The following CDKAL1 variants were observed in gnomAD, a reference collection of about 807,000 sequenced individuals.
CDKAL1 encodes the protein threonylcarbamoyladenosine tRNA methylthiotransferase.
CDKAL1 carries 32 observed loss-of-function variants against 68.2 expected under a neutral mutation model. The observed-to-expected ratio is 0.47, with a 90% CI of 0.35 to 0.63. CDKAL1 has a LOEUF of 0.63. CDKAL1 is among the 30% of genes least tolerant of loss of function. CDKAL1 has a pLI of 0.00. For synonymous variants in CDKAL1, 234 were observed against 244.3 expected, an observed-to-expected ratio of 0.96 and a Z score of 0.39; for missense variants, 606 against 696.7, an observed-to-expected ratio of 0.87 and a Z score of 1.47.
intron 13 of CDKAL1, among the ~76,000 whole-genome samples, chr6:21,175,036 G>A (rs1392250068): frequency 1.3e-5 from 2 of 152,168 alleles, no homozygotes; most frequent in Non-Finnish European, 2.9e-5. Context: ...TTTAAGTGGA[G>A]GCACGACATG....
At chr6:20,647,643 AGATT>A (rs1329879726) in intron 4 of CDKAL1, among the ~76,000 whole-genome samples, 1 of 152,240 alleles carries the variant, frequency 6.6e-6, no homozygotes, top group African/African-American at 2.4e-5. Flanking sequence ...TACTAGGATC[AGATT>A]GATAGTAGAG....
intron 4 of CDKAL1, among the ~76,000 whole-genome samples, chr6:20,598,231 A>G (rs888887631): frequency 2.5e-4 from 38 of 152,198 alleles, no homozygotes; most frequent in African/African-American, 8.4e-4. Flanking sequence ...ATTTCCTTAC[A>G]TTCTTATATT....
At chr6:21,195,593 C>T (rs571643709) in intron 13 of CDKAL1, among the ~76,000 whole-genome samples, 3 of 151,828 alleles carry the variant, frequency 2.0e-5, no homozygotes, top group Admixed American at 2.0e-4. Context: ...TCACTGCACC[C>T]TCAATCTGCC....
At chr6:21,125,366 G>GT (rs1194072403) in intron 13 of CDKAL1, among the ~76,000 whole-genome samples, 1 of 152,176 alleles carries the variant, frequency 6.6e-6, no homozygotes. Context: ...ATAAGGAACT[G>GT]TGAGTCAATT....
intron 5 of CDKAL1, among the ~76,000 whole-genome samples, chr6:20,720,389 T>C (rs1772291206): frequency 6.6e-6 from 1 of 152,194 alleles, no homozygotes; most frequent in Non-Finnish European, 1.5e-5. Context: ...CAGCACATGT[T>C]TGTTAACTGT....
At chr6:20,551,792 T>A (rs1763842571) in intron 4 of CDKAL1, among the ~76,000 whole-genome samples, 2 of 152,208 alleles carry the variant, frequency 1.3e-5, no homozygotes, top group Admixed American at 6.5e-5. Flanking sequence ...GAATTACTTC[T>A]CTATATTCAT....
At chr6:20,780,675 T>TC (rs200033538) in intron 7 of CDKAL1, among the ~76,000 whole-genome samples, 325 of 41,110 alleles carry the variant, frequency 7.9e-3, no homozygotes, top group African/African-American at 0.022. Flanking sequence ...TTTTTCTTTT[T>TC]TTTTTTTTTT....
At position 20,750,951 on chromosome 6, in the gene CDKAL1, GAAAAAAAAAAAAAAAA is replaced by G. The variant is rs59244637; in HGVS notation, c.469-7625_469-7610del. 5.7e-4 allele frequency among the ~76,000 whole-genome samples: 27 copies of G among 47,080 alleles called. 1 individual carries two copies. Among genetic ancestry groups the G allele is most frequent in the South Asian group, 1.6e-3 (1 of 608 alleles). 30.9% of individuals were successfully genotyped at this position (47,080 alleles called of 152,430 possible). A position where few individuals can be genotyped will look rare whatever the true frequency, so the allele number is the denominator to read the frequency against. ...TGCACTCCAGGCTGAGCAACAGAGT[GAAAAAAAAAAAAAAAA>G]AAAAAAAAAAAAAAAAAAGAAGTAA... On this transcript the variant is annotated intron_variant, in intron 6 of 15. Transcript: ENST00000274695.
chr6:20,973,395 G>C (rs574938444), intron 10 of CDKAL1, among the ~76,000 whole-genome samples: 1 of 152,200 alleles, frequency 6.6e-6, no homozygotes, highest in South Asian at 2.1e-4. Flanking sequence ...AGTACCTGTG[G>C]GGAAGGAGAA....
At chr6:20,779,929 G>A (rs1393384729) in intron 7 of CDKAL1, among the ~76,000 whole-genome samples, 1 of 151,744 alleles carries the variant, frequency 6.6e-6, no homozygotes, top group African/African-American at 2.4e-5. Flanking sequence ...ATAGGCTATG[G>A]GATATACCTC....
At chr6:20,815,291 C>T (rs555773390) in intron 8 of CDKAL1, among the ~76,000 whole-genome samples, 1 of 152,040 alleles carries the variant, frequency 6.6e-6, no homozygotes, top group South Asian at 2.1e-4. Context: ...CTTTGTTTCT[C>T]TGTTTTTAGT....
At chr6:21,181,548 C>T (rs576747070) in intron 13 of CDKAL1, among the ~76,000 whole-genome samples, 1 of 152,308 alleles carries the variant, frequency 6.6e-6, no homozygotes, top group African/African-American at 2.4e-5. Context: ...CTTTGACTTC[C>T]TGGCCTTTAG....
At chr6:21,050,248 T>G (rs982538398) in intron 11 of CDKAL1, among the ~76,000 whole-genome samples, 2 of 152,370 alleles carry the variant, frequency 1.3e-5, no homozygotes, top group East Asian at 1.9e-4. Flanking sequence ...CATATAGATT[T>G]TGCCTAATAT....
rs114680325 is a variant in CDKAL1, at chr6:20,962,003, G to A, written c.909+6418G>A. ...ACTTATCTCCCTTTAAGAGACTTGC[G>A]TGTCTCAAAATTGTATGAGAATTTT... On this transcript the variant is annotated intron_variant, in intron 10 of 15. Coordinates refer to ENST00000274695, the MANE Select transcript of CDKAL1 (RefSeq NM_017774.3). Among the ~76,000 whole-genome samples the A allele has an allele frequency of 4.1e-3, 624 of 152,258 alleles. 5 individuals are homozygous for A. Among genetic ancestry groups the A allele is most frequent in the African/African-American group, 0.014 (590 of 41,552 alleles).
intron 5 of CDKAL1, among the ~76,000 whole-genome samples, chr6:20,726,187 G>C (rs529743992): frequency 2.6e-5 from 4 of 151,822 alleles, no homozygotes; most frequent in Non-Finnish European, 5.9e-5. Flanking sequence ...GAATAACCTT[G>C]GTCTCCACAA....
intron 9 of CDKAL1, among the ~76,000 whole-genome samples, chr6:20,871,289 T>G (rs75888104): frequency 6.6e-6 from 1 of 152,170 alleles, no homozygotes; most frequent in African/African-American, 2.4e-5. Flanking sequence ...GTGTGTCTAA[T>G]AATTACCATA....
intron 9 of CDKAL1, among the ~76,000 whole-genome samples, chr6:20,917,442 T>C: frequency 6.6e-6 from 1 of 152,222 alleles, no homozygotes; most frequent in Non-Finnish European, 1.5e-5. Flanking sequence ...TTTATTAAAC[T>C]AACAAGTAAA....
intron 13 of CDKAL1, among the ~76,000 whole-genome samples, chr6:21,183,151 T>C (rs181229452): frequency 1.3e-5 from 2 of 150,964 alleles, no homozygotes; most frequent in East Asian, 1.9e-4. Flanking sequence ...TTTTTTTTTT[T>C]CCAGCATAAT....
intron 4 of CDKAL1, among the ~76,000 whole-genome samples, chr6:20,645,628 G>A (rs1363640238): frequency 1.3e-5 from 2 of 151,844 alleles, no homozygotes; most frequent in Non-Finnish European, 2.9e-5. Flanking sequence ...CTACTTGGGC[G>A]GCTGAGGCAG....
Sources: allele counts gnomAD v4.1 joint callset (sites outside exome capture counted in the v4.1 genomes callset), GRCh38; gene constraint gnomAD v4.1.1; transcripts MANE v1.5; gene names NCBI Gene and HGNC (gene_info 2026-07-23, HGNC 2026-07-21).